IFT80: variants seen among roughly 807,000 people sequenced by gnomAD.
The protein encoded by IFT80 is intraflagellar transport protein 80 homolog.
A neutral mutation model predicts 107.9 loss-of-function variants in IFT80; 79 were observed. That is an observed-to-expected ratio of 0.73 (90% CI 0.61 to 0.88). The LOEUF (loss-of-function observed/expected upper bound fraction) is 0.88, where lower values mean the gene tolerates loss of function less well. Ranked by LOEUF, IFT80 falls within the 40% of genes least tolerant of loss-of-function variation. The pLI, the probability that IFT80 is intolerant of heterozygous loss-of-function variation, is 0.00. For missense variants in IFT80, 797 were observed against 914.2 expected (o/e 0.87, Z 1.65); for synonymous variants, 299 against 300.9 (o/e 0.99, Z 0.07).
intron 12 of IFT80, among the ~76,000 whole-genome samples, chr3:160,300,057 A>G (rs1576773246): frequency 6.6e-6 from 1 of 152,128 alleles, no homozygotes; most frequent in South Asian, 2.1e-4. Flanking sequence ...TTCCTTTAAC[A>G]TGCCAGTTAC....
At chr3:160,274,828 G>A (rs1018718376) in intron 18 of IFT80, among the ~76,000 whole-genome samples, 2 of 152,116 alleles carry the variant, frequency 1.3e-5, no homozygotes, top group African/African-American at 4.8e-5. Context: ...GCTGAAGTAC[G>A]ATAATCACTT....
chr3:160,349,413 C>T (rs918653406), intron 8 of IFT80, among the ~76,000 whole-genome samples: 7 of 151,760 alleles, frequency 4.6e-5, no homozygotes, highest in African/African-American at 1.7e-4. Flanking sequence ...CGCTCCACTG[C>T]ACTCCAGCCT....
intron 5 of IFT80, among the ~76,000 whole-genome samples, chr3:160,371,733 T>A (rs1277899855): frequency 6.6e-6 from 1 of 152,214 alleles, no homozygotes; most frequent in Non-Finnish European, 1.5e-5. Flanking sequence ...TGAGCCACTG[T>A]GCCCAGCCAC....
intron 1 of IFT80, among the ~76,000 whole-genome samples, chr3:160,398,228 A>G (rs1227273476): frequency 6.6e-6 from 1 of 152,170 alleles, no homozygotes; most frequent in Non-Finnish European, 1.5e-5. Flanking sequence ...CCAAATTCTT[A>G]CAATTGGTTG....
chr3:160,359,297 A>G (rs377039011), intron 6 of IFT80, among the ~76,000 whole-genome samples: 2 of 152,186 alleles, frequency 1.3e-5, no homozygotes, highest in African/African-American at 2.4e-5. Context: ...AACTTGACCA[A>G]TTGTGATATA....
rs571155982 is a variant in IFT80, at chr3:160,270,187, G to C, written c.2100-1651C>G. Among the ~76,000 whole-genome samples, 198 of 152,282 alleles carry C rather than the reference G, an allele frequency of 1.3e-3. 1 individual carries two copies. The highest frequency in any genetic ancestry group is 4.6e-3 in the African/African-American group (190 of 41,562). The stretch of plus-strand genomic sequence containing the variant: ...AATTAATTTTTGTATTTTTAGTAGA[G>C]ACGTGGTTTCACCACATTGGCCAGG... On this transcript the variant is annotated intron_variant, in intron 18 of 19. Coordinates refer to ENST00000326448, the MANE Select transcript of IFT80 (RefSeq NM_020800.3).
intron 12 of IFT80, among the ~76,000 whole-genome samples, chr3:160,291,341 C>T (rs1204451347): frequency 6.6e-6 from 1 of 152,170 alleles, no homozygotes; most frequent in African/African-American, 2.4e-5. Context: ...AGGCAATGCC[C>T]AGAAGAGTTT....
chr3:160,332,550 T>C (rs780735512), intron 8 of IFT80, among the ~76,000 whole-genome samples: 4 of 152,176 alleles, frequency 2.6e-5, no homozygotes, highest in Non-Finnish European at 1.5e-5. Context: ...GCCTTATCTA[T>C]CTAGAAGATG....
intron 1 of IFT80, among the ~76,000 whole-genome samples, chr3:160,387,287 C>T (rs191037585): frequency 5.3e-5 from 8 of 152,254 alleles, no homozygotes; most frequent in East Asian, 1.9e-4. Context: ...AGGCGGATCA[C>T]GAGGTGAGGA....
At chr3:160,314,228 T>C (rs184452050) in intron 9 of IFT80, among the ~76,000 whole-genome samples, 154 of 152,298 alleles carry the variant, frequency 1.0e-3, no homozygotes, top group African/African-American at 3.4e-3. Context: ...CTTTTGAACT[T>C]TGATGACTAT....
intron 9 of IFT80, among the ~76,000 whole-genome samples, chr3:160,314,980 T>G (rs1274500021): frequency 6.7e-6 from 1 of 148,822 alleles, no homozygotes; most frequent in Non-Finnish European, 1.5e-5. Flanking sequence ...TGATCCATGC[T>G]TTTTCCAAAA....
At chr3:160,301,702 ATTT>A in intron 11 of IFT80, among the ~76,000 whole-genome samples, 1 of 152,078 alleles carries the variant, frequency 6.6e-6, no homozygotes, top group East Asian at 1.9e-4. Context: ...TCTGTAGTTA[ATTT>A]TTTATTAACT....
chr3:160,270,160 C>T (rs1254699843), intron 18 of IFT80, among the ~76,000 whole-genome samples: 2 of 152,186 alleles, frequency 1.3e-5, no homozygotes, highest in African/African-American at 4.8e-5. Context: ...GCCACCATAC[C>T]CAATTAATTT....
In IFT80 at chr3:160,367,879, G is replaced by A. The variant is rs372296067; in HGVS notation, c.440-1727C>T. On this transcript the variant is annotated intron_variant, in intron 5 of 19. Coordinates refer to ENST00000326448, the MANE Select transcript of IFT80 (RefSeq NM_020800.3). ...TATTTATTGAAAGCATTGGTTATACGGCAGTAAATAATCTGTTTTCCACTT... is the reference window on the plus strand; with the variant it reads ...TATTTATTGAAAGCATTGGTTATACAGCAGTAAATAATCTGTTTTCCACTT... 2.3e-4 allele frequency among the ~76,000 whole-genome samples: 35 copies of A among 151,868 alleles called. No homozygotes were observed. In the East Asian group the frequency reaches 5.6e-3, roughly 24 times the overall value.
At chr3:160,268,883 C>T (rs1713570054) in intron 18 of IFT80, 3 of 269,502 alleles carry the variant, frequency 1.1e-5, no homozygotes, top group South Asian at 4.5e-5. Context: ...TGAAGGGAGA[C>T]ATTTCTCTTT....
intron 8 of IFT80, among the ~76,000 whole-genome samples, chr3:160,353,109 A>C (rs564411750): frequency 6.6e-6 from 1 of 152,294 alleles, no homozygotes; most frequent in African/African-American, 2.4e-5. Flanking sequence ...TTTTTCTAAT[A>C]AACTATGATA....
chr3:160,279,558 T>C (rs1714528934), intron 15 of IFT80, among the ~76,000 whole-genome samples, 194 bp from the exon 16 acceptor site: 1 of 152,236 alleles, frequency 6.6e-6, no homozygotes, highest in Non-Finnish European at 1.5e-5. Context: ...TGAATACATA[T>C]TCTCCCTGGA....
chr3:160,363,162 C>A (rs1157010596), intron 6 of IFT80, among the ~76,000 whole-genome samples: 2 of 152,182 alleles, frequency 1.3e-5, no homozygotes, highest in Admixed American at 6.5e-5. Flanking sequence ...TAACCAACTT[C>A]AGCAAAGTCT....
At chr3:160,284,478 A>G (rs1232087476) in intron 13 of IFT80, among the ~76,000 whole-genome samples, 1 of 152,204 alleles carries the variant, frequency 6.6e-6, no homozygotes, top group Non-Finnish European at 1.5e-5. Context: ...CACCTCATAT[A>G]TTACCAGTGC....
Sources: allele counts gnomAD v4.1 joint callset (sites outside exome capture counted in the v4.1 genomes callset), GRCh38; gene constraint gnomAD v4.1.1; transcripts MANE v1.5; gene names NCBI Gene and HGNC (gene_info 2026-07-23, HGNC 2026-07-21).